CSMD1: variants seen among roughly 807,000 people sequenced by gnomAD.
CSMD1 encodes CUB and Sushi multiple domains 1, also known as CUB and sushi domain-containing protein 1.
In CSMD1, 213 loss-of-function variants were observed where a neutral mutation model predicts 417.5. That is an observed-to-expected ratio of 0.51 (90% CI 0.46 to 0.57). The LOEUF is 0.57. CSMD1 is among the 20% of genes least tolerant of loss of function. CSMD1 has a pLI of 0.00. For missense variants in CSMD1, 6,923 were observed against 4,529.7 expected (o/e 1.53, Z -15.17); for synonymous variants, 2,862 against 1,736.8 (o/e 1.65, Z -16.11).
intron 1 of CSMD1, among the ~76,000 whole-genome samples, chr8:4,791,591 G>A (rs1797693298): frequency 6.6e-6 from 1 of 152,174 alleles, no homozygotes; most frequent in African/African-American, 2.4e-5. Context: ...GAAATCTGAA[G>A]CAGGACCTTA....
At chr8:3,999,109 G>C (rs1040017905) in intron 4 of CSMD1, among the ~76,000 whole-genome samples, 4 of 150,972 alleles carry the variant, frequency 2.6e-5, no homozygotes, top group African/African-American at 7.3e-5. Context: ...ATGTTTTAAA[G>C]CATGTTTTTT....
chr8:3,330,591 A>T (rs757825058), intron 23 of CSMD1, among the ~76,000 whole-genome samples: 1 of 152,156 alleles, frequency 6.6e-6, no homozygotes, highest in African/African-American at 2.4e-5. Flanking sequence ...CCTGGGGCCT[A>T]TTGGAGGGTG....
chr8:4,034,486 T>A (rs191508841), intron 3 of CSMD1, among the ~76,000 whole-genome samples: 25 of 152,302 alleles, frequency 1.6e-4, no homozygotes, highest in Admixed American at 1.6e-3. Flanking sequence ...TCACTATCCT[T>A]AAAGCAAACA....
chr8:4,473,209 A>G (rs914722102), intron 2 of CSMD1, among the ~76,000 whole-genome samples: 1 of 152,214 alleles, frequency 6.6e-6, no homozygotes, highest in Non-Finnish European at 1.5e-5. Flanking sequence ...TCAATTATAA[A>G]TGATTAAAAA....
chr8:3,677,199 T>A (rs1272462677), intron 7 of CSMD1, among the ~76,000 whole-genome samples: 1 of 152,072 alleles, frequency 6.6e-6, no homozygotes, highest in Admixed American at 6.6e-5. Context: ...ATATAAGACT[T>A]ATAGAAATAC....
chr8:4,379,017 C>T (rs991418776), intron 3 of CSMD1, among the ~76,000 whole-genome samples: 1 of 152,092 alleles, frequency 6.6e-6, no homozygotes, highest in Admixed American at 6.6e-5. Context: ...AGCAAAGTAT[C>T]TTCTTCAAAA....
At chr8:4,554,921 C>T (rs1275958475) in intron 2 of CSMD1, among the ~76,000 whole-genome samples, 2 of 152,104 alleles carry the variant, frequency 1.3e-5, no homozygotes, top group African/African-American at 4.8e-5. Context: ...ATGCTGTCTT[C>T]TAGGCAACGA....
chr8:4,536,277 C>G (rs1797099043), intron 2 of CSMD1, among the ~76,000 whole-genome samples: 1 of 152,100 alleles, frequency 6.6e-6, no homozygotes, highest in African/African-American at 2.4e-5. Context: ...AATCTACAAA[C>G]ATGTTCTATT....
In CSMD1 at chr8:3,476,705, G is replaced by A. The variant is rs1008990847; in HGVS notation, c.1449-7881C>T. ...GGCCAAGGCGGGCAGATTACTTGAG[G>A]TCAGGAGTTCGAGACCAGCCTGGCC... On this transcript the variant is annotated intron_variant, in intron 11 of 69. Transcript: ENST00000635120. 3.9e-5 allele frequency among the ~76,000 whole-genome samples: 6 copies of A among 151,956 alleles called. No individual in the cohort carries two copies. The South Asian group carries it at 1.0e-3, about 26-fold the overall frequency.
chr8:4,070,433 C>T (rs933590813), intron 3 of CSMD1, among the ~76,000 whole-genome samples: 1 of 152,072 alleles, frequency 6.6e-6, no homozygotes, highest in Non-Finnish European at 1.5e-5. Flanking sequence ...TCTCGGCTCA[C>T]TGCAAGCTCC....
chr8:4,591,456 G>A (rs1050423799), intron 2 of CSMD1, among the ~76,000 whole-genome samples: 8 of 152,326 alleles, frequency 5.3e-5, no homozygotes, highest in Non-Finnish European at 8.8e-5. Flanking sequence ...TTGAGCAAAA[G>A]CAAATGAGCA....
At chr8:4,761,052 C>G (rs1223948322) in intron 1 of CSMD1, among the ~76,000 whole-genome samples, 1 of 151,858 alleles carries the variant, frequency 6.6e-6, no homozygotes, top group East Asian at 1.9e-4. Flanking sequence ...ATCTCGGAGC[C>G]CAGAGTGATT....
At chr8:4,222,334 T>C (rs1311302407) in intron 3 of CSMD1, among the ~76,000 whole-genome samples, 1 of 151,578 alleles carries the variant, frequency 6.6e-6, no homozygotes, top group East Asian at 1.9e-4. Context: ...ACAGTAGGTA[T>C]CAGTGTTTTG....
chr8:4,201,065 C>G (rs1006546843), intron 3 of CSMD1, among the ~76,000 whole-genome samples: 2 of 152,312 alleles, frequency 1.3e-5, no homozygotes, highest in East Asian at 3.9e-4. Flanking sequence ...TCACTACTTT[C>G]TACCTAGATA....
At chr8:4,521,438 A>G (rs1419912478) in intron 2 of CSMD1, among the ~76,000 whole-genome samples, 1 of 152,208 alleles carries the variant, frequency 6.6e-6, no homozygotes, top group African/African-American at 2.4e-5. Flanking sequence ...AAAGAATCAT[A>G]TACCTGCTGC....
At chr8:4,775,056 C>T (rs1796779650) in intron 1 of CSMD1, among the ~76,000 whole-genome samples, 1 of 151,978 alleles carries the variant, frequency 6.6e-6, no homozygotes, top group African/African-American at 2.4e-5. Flanking sequence ...TCAAGATATA[C>T]AAGAGCAACA....
At chr8:3,255,775 C>G (rs955227223) in intron 26 of CSMD1, among the ~76,000 whole-genome samples, 1 of 152,180 alleles carries the variant, frequency 6.6e-6, no homozygotes, top group Non-Finnish European at 1.5e-5. Flanking sequence ...TCAACACTTT[C>G]TTTGACTAGA....
chr8:3,769,752 G>C (rs1005958888), intron 5 of CSMD1, among the ~76,000 whole-genome samples: 3 of 152,054 alleles, frequency 2.0e-5, no homozygotes, highest in Non-Finnish European at 4.4e-5. Context: ...GTCCTGCTAT[G>C]GCAATTTGGT....
chr8:3,989,783 G>A (rs1375835574), intron 5 of CSMD1, among the ~76,000 whole-genome samples: 4 of 152,216 alleles, frequency 2.6e-5, no homozygotes, highest in Middle Eastern at 3.2e-3. Flanking sequence ...TTTAAAGGAT[G>A]TATTAAGCTT....
Sources: allele counts gnomAD v4.1 joint callset (sites outside exome capture counted in the v4.1 genomes callset), GRCh38; gene constraint gnomAD v4.1.1; transcripts MANE v1.5; gene names NCBI Gene and HGNC (gene_info 2026-07-23, HGNC 2026-07-21).